Variants in REPS1 observed in about 807,000 individuals in gnomAD.
REPS1 encodes the protein RALBP1 associated Eps domain containing 1.
Under a neutral mutation model 100.9 loss-of-function variants are expected in REPS1, and 39 were observed. The ratio of observed to expected loss-of-function variants is 0.39; its 90% CI spans 0.30 to 0.50. The LOEUF (loss-of-function observed/expected upper bound fraction) is 0.50, where lower values mean the gene tolerates loss of function less well. REPS1 is among the 20% of genes least tolerant of loss of function. The probability of loss-of-function intolerance (pLI) is 0.86; values close to 1 mark genes in which losing one functional copy is unlikely to be tolerated. For synonymous variants in REPS1, 324 were observed against 340.3 expected (o/e 0.95, Z 0.53); for missense variants, 821 against 968.5 (o/e 0.85, Z 2.02).
intron 12 of REPS1, among the ~76,000 whole-genome samples, chr6:138,918,051 G>A (rs1036028768): frequency 6.6e-6 from 1 of 151,672 alleles, no homozygotes; most frequent in Middle Eastern, 3.4e-3. Flanking sequence ...CAGCATGACC[G>A]TTTTTTTAAT....
At chr6:138,918,996 C>A (rs1780583295) in intron 12 of REPS1, among the ~76,000 whole-genome samples, 1 of 152,182 alleles carries the variant, frequency 6.6e-6, no homozygotes, top group Non-Finnish European at 1.5e-5. Context: ...ATCACAGAAT[C>A]ATCTAGTTGG....
chr6:138,916,092 A>G, intron 13 of REPS1, 116 bp from the exon 14 acceptor site: 2 of 781,422 alleles, frequency 2.6e-6, no homozygotes, highest in Non-Finnish European at 2.3e-6. Flanking sequence ...CATTTTCTCA[A>G]CACTCAAGTA....
chr6:138,927,202 G>A (rs1006929016), intron 9 of REPS1: 1 of 151,886 alleles, frequency 6.6e-6, no homozygotes, highest in Non-Finnish European at 1.5e-5. Context: ...ATCAGAATGC[G>A]GCCACAATGA....
intron 1 of REPS1, among the ~76,000 whole-genome samples, chr6:138,975,026 AT>A (rs1784522033): frequency 1.3e-5 from 2 of 151,572 alleles, no homozygotes; most frequent in Non-Finnish European, 2.9e-5. Context: ...TGCATTCCTC[AT>A]TTTTAGTGAA....
intron 8 of REPS1, among the ~76,000 whole-genome samples, chr6:138,939,579 A>G (rs1043965790): frequency 6.6e-6 from 1 of 152,206 alleles, no homozygotes; most frequent in Non-Finnish European, 1.5e-5. Flanking sequence ...AAAATCACCT[A>G]CAAGAGATTA....
chr6:138,918,051 G>GT (rs770865896), intron 12 of REPS1, among the ~76,000 whole-genome samples: 4 of 151,554 alleles, frequency 2.6e-5, no homozygotes, highest in African/African-American at 9.7e-5. Flanking sequence ...CAGCATGACC[G>GT]TTTTTTTAAT....
At position 138,945,601 on chromosome 6, in the gene REPS1, G is replaced by A. The variant is rs768153733; in HGVS notation, c.374C>T (p.Ser125Leu). Residue 125 changes from serine (S) to leucine (L), a missense_variant, in exon 3 of 20, where the codon TCG (serine) becomes TTG (leucine). Coordinates refer to ENST00000450536, the MANE Select transcript of REPS1 (RefSeq NM_001286611.2). ...TGGTGGGGGAATTACACCAGAATAC[G>A]ACCCTTGATTTTCAGAATCTGAAGA... is the stretch of plus-strand genomic sequence containing the variant. ...SYSSDSENQG[S>L]YSGVIPPPPG... 13 of 1,613,416 alleles carry A rather than the reference G, an allele frequency of 8.1e-6. No homozygotes were observed. The highest frequency in any genetic ancestry group is 4.5e-5 in the East Asian group (2 of 44,872).
rs145732185 is a variant in REPS1, at chr6:138,969,360, C to G, written c.153+18170G>C. Among the ~76,000 whole-genome samples the G allele has an allele frequency of 2.1e-3, 300 of 141,452 alleles. 3 individuals carry two copies. The highest frequency in any genetic ancestry group is 7.6e-3 in the African/African-American group (285 of 37,742). The allele number at this position is 141,452 out of a possible 152,430, so 92.8% of individuals were successfully genotyped here. On this transcript the variant is annotated intron_variant, in intron 1 of 19. Coordinates refer to ENST00000450536, the MANE Select transcript of REPS1 (RefSeq NM_001286611.2). The stretch of plus-strand genomic sequence containing the variant: ...AGGCTGGAGTGCAGTGGTGCAATCT[C>G]GGCTCACTGCATCCTCAACCTCCTT...
In REPS1 at chr6:138,980,698, G is replaced by A. The variant is rs1385811637; in HGVS notation, c.153+6832C>T. Reference sequence around the variant, plus strand: ...TTGTGGGTGGGGCGGGGGGGGGGGGGAACGGAGACTTGCTCTGTCACCCAG... The same window carrying A: ...TTGTGGGTGGGGCGGGGGGGGGGGGAAACGGAGACTTGCTCTGTCACCCAG... On this transcript the variant is annotated intron_variant, in intron 1 of 19. Coordinates refer to ENST00000450536, the MANE Select transcript of REPS1 (RefSeq NM_001286611.2). Among the ~76,000 whole-genome samples, 4 of 121,778 alleles carry A rather than the reference G, an allele frequency of 3.3e-5. No individual in the cohort carries two copies. In the East Asian group the frequency reaches 1.1e-3, roughly 34 times the overall value. The allele number at this position is 121,778 out of a possible 152,430, so 79.9% of individuals were successfully genotyped here.
intron 1 of REPS1, among the ~76,000 whole-genome samples, chr6:138,957,108 T>C (rs1783439186): frequency 6.6e-6 from 1 of 150,664 alleles, no homozygotes; most frequent in African/African-American, 2.4e-5. Context: ...ACAGAGAAAA[T>C]AGAAGAGTAA....
intron 8 of REPS1, among the ~76,000 whole-genome samples, chr6:138,936,173 C>A (rs1305754514): frequency 3.9e-5 from 6 of 152,140 alleles, no homozygotes; most frequent in Admixed American, 3.3e-4. Context: ...AGGACACTTA[C>A]TAATCCGCTG....
intron 1 of REPS1, among the ~76,000 whole-genome samples, chr6:138,978,810 C>A (rs1233478340): frequency 6.6e-6 from 1 of 152,192 alleles, no homozygotes; most frequent in Non-Finnish European, 1.5e-5. Context: ...CATCCTCCCA[C>A]TAAATCTATA....
At chr6:138,924,849 C>A (rs1780996751) in intron 10 of REPS1, among the ~76,000 whole-genome samples, 1 of 152,122 alleles carries the variant, frequency 6.6e-6, no homozygotes, top group South Asian at 2.1e-4. Context: ...ATTTCTCCTA[C>A]ATTTTTCAGA....
chr6:138,941,286 T>C, intron 8 of REPS1, 49 bp downstream of exon 8: 1 of 1,588,222 alleles, frequency 6.3e-7, no homozygotes, highest in East Asian at 2.2e-5. Context: ...GAATCAAGCA[T>C]TATGTTTATC....
intron 8 of REPS1, among the ~76,000 whole-genome samples, chr6:138,935,827 C>G (rs557679724): frequency 8.7e-6 from 1 of 114,332 alleles, no homozygotes; most frequent in East Asian, 2.5e-4. Context: ...GCACTCCAGC[C>G]TGGGCAACAG....
Position 138,987,731 on chromosome 6 carries a change from C to T in REPS1, c.-49G>A. ...CCCGCCCCGCATGCACTACTCGGGG[C>T]CCGGCCCCAGGAACCTGGGCCGGCA... On this transcript the variant is annotated 5_prime_UTR_variant, in exon 1 of 20. Transcript: ENST00000450536. 2 of 1,466,962 alleles carry T rather than the reference C, an allele frequency of 1.4e-6. No individual in the cohort carries two copies. Among genetic ancestry groups the T allele is most frequent in the Non-Finnish European group, 1.8e-6 (2 of 1,106,296 alleles). 90.9% of individuals were successfully genotyped at this position (1,466,962 alleles called of 1,614,324 possible).
At chr6:138,952,702 C>T (rs537902991) in intron 1 of REPS1, among the ~76,000 whole-genome samples, 47 of 151,874 alleles carry the variant, frequency 3.1e-4, no homozygotes, top group African/African-American at 8.9e-4. Flanking sequence ...ACCCAGCCTA[C>T]AGCCAAATGA....
At position 138,964,947 on chromosome 6, in the gene REPS1, G is replaced by C. The variant is rs538572696; in HGVS notation, c.154-17034C>G. Among the ~76,000 whole-genome samples, 5 of 152,178 alleles carry C rather than the reference G, an allele frequency of 3.3e-5. No homozygotes were observed. The South Asian group carries it at 1.0e-3, about 32-fold the overall frequency. ...CTATAGAAGGGAATCATAAAGAATG[G>C]GTTCAGTCAAACAACCAATGTAAGG... On this transcript the variant is annotated intron_variant, in intron 1 of 19. Coordinates refer to ENST00000450536, the MANE Select transcript of REPS1 (RefSeq NM_001286611.2).
At chr6:138,939,891 C>A (rs1782112301) in intron 8 of REPS1, among the ~76,000 whole-genome samples, 1 of 152,166 alleles carries the variant, frequency 6.6e-6, no homozygotes, top group Admixed American at 6.5e-5. Flanking sequence ...CTAGGATTAT[C>A]ATAGAAAAAT....
Sources: gnomAD v4.1 joint callset for allele counts (sites outside exome capture counted in the v4.1 genomes callset) on GRCh38, gnomAD v4.1.1 for gene constraint, MANE v1.5 for transcripts, NCBI Gene and HGNC (gene_info 2026-07-23, HGNC 2026-07-21) for gene names.